Variants in FMN2 observed in about 807,000 individuals in gnomAD.
FMN2 encodes formin 2.
Under a neutral mutation model 142.3 loss-of-function variants are expected in FMN2, and 51 were observed. The observed-to-expected ratio is 0.36, with a 90% CI of 0.29 to 0.45. The LOEUF is 0.45. Ranked by LOEUF, FMN2 falls within the 20% of genes least tolerant of loss-of-function variation. FMN2 has a pLI of 1.00. For missense variants in FMN2, 1,936 were observed against 2,122.8 expected (o/e 0.91, Z 1.73); for synonymous variants, 882 against 869.8 (o/e 1.01, Z -0.25).
intron 14 of FMN2, among the ~76,000 whole-genome samples, chr1:240,372,629 G>A (rs2103071034): frequency 6.7e-6 from 1 of 150,216 alleles, no homozygotes; most frequent in South Asian, 2.1e-4. Context: ...CACTTTTGGA[G>A]GAAGAATTTC....
At chr1:240,437,990 A>T in intron 15 of FMN2, 71 bp from the exon 16 acceptor site, 1 of 1,529,736 alleles carries the variant, frequency 6.5e-7, no homozygotes, top group Non-Finnish European at 8.8e-7. Flanking sequence ...CAGCATTTGG[A>T]TAGAGAAAGA....
chr1:240,386,502 A>G (rs1166527747), intron 14 of FMN2, among the ~76,000 whole-genome samples: 1 of 152,202 alleles, frequency 6.6e-6, no homozygotes, highest in Non-Finnish European at 1.5e-5. Context: ...TGAAAGCTCA[A>G]GATCAGAAAG....
intron 6 of FMN2, among the ~76,000 whole-genome samples, chr1:240,255,040 C>T (rs1452660845): frequency 6.6e-6 from 1 of 152,164 alleles, no homozygotes; most frequent in African/African-American, 2.4e-5. Context: ...CGGGGTTCTC[C>T]CATGGCTACG....
At chr1:240,228,217 C>T (rs960316613) in intron 6 of FMN2, among the ~76,000 whole-genome samples, 3 of 144,768 alleles carry the variant, frequency 2.1e-5, no homozygotes, top group South Asian at 4.6e-4. Context: ...GCAGGAGAAT[C>T]GCTTGAACCC....
intron 6 of FMN2, among the ~76,000 whole-genome samples, chr1:240,218,946 A>G (rs1667007189): frequency 6.6e-6 from 1 of 152,154 alleles, no homozygotes. Context: ...AGAACAGAGT[A>G]TATAGGCTGG....
At chr1:240,373,059 C>T (rs909316098) in intron 14 of FMN2, among the ~76,000 whole-genome samples, 1 of 152,090 alleles carries the variant, frequency 6.6e-6, no homozygotes, top group African/African-American at 2.4e-5. Flanking sequence ...TGGTGCACAC[C>T]TGTAATCCCA....
intron 8 of FMN2, among the ~76,000 whole-genome samples, chr1:240,299,504 C>T (rs1670117933): frequency 6.6e-6 from 1 of 152,024 alleles, no homozygotes; most frequent in Non-Finnish European, 1.5e-5. Flanking sequence ...GAAGTGATAC[C>T]TTTACCATGG....
rs1471681253 is a variant in FMN2, at chr1:240,330,672, G to A, written c.4507G>A (p.Gly1503Arg). 6.2e-6 allele frequency: 10 copies of A among 1,613,996 alleles called. No individual in the cohort carries two copies. The highest frequency in any genetic ancestry group is 8.5e-6 in the Non-Finnish European group (10 of 1,179,932). The change falls in exon 11 of 18, where the codon GGA becomes AGA. Residue 1503 changes from glycine to arginine, a missense_variant. By Grantham distance (125) the Gly-to-Arg change is moderately radical (BLOSUM62 -2). Around this residue, in one of 8 missense-constraint regions of FMN2, gnomAD observed 322 missense variants for 401.6 expected, o/e 0.80. Coordinates refer to ENST00000319653, the MANE Select transcript of FMN2 (RefSeq NM_020066.5). ...LVLAFGNYMNGGNKTRGQADG... is the reference protein window; with the variant it reads ...LVLAFGNYMNRGNKTRGQADG... The stretch of plus-strand genomic sequence containing the variant: ...TCTTGCCTTTGGCAACTACATGAAT[G>A]GAGGAAATAAGACTCGAGGACAGGC...
chr1:240,208,708 C>T lies in FMN2; in HGVS notation c.3896C>T (p.Thr1299Ile). The change falls in exon 5 of 18, where the codon ACC (threonine) becomes ATC (isoleucine). Residue 1299 changes from threonine (T) to isoleucine (I), a missense_variant. Coordinates refer to ENST00000319653, the MANE Select transcript of FMN2 (RefSeq NM_020066.5). The stretch of plus-strand genomic sequence containing the variant: ...CGACCAATGAAGCCTCTTTACTGGA[C>T]CAGGATTCAACTACATAGTAAAAGG... Reference protein sequence around the residue: ...PCRPMKPLYWTRIQLHSKRDS... With the variant: ...PCRPMKPLYWIRIQLHSKRDS... 6.2e-7 allele frequency: 1 copy of T among 1,612,782 alleles called. No individual in the cohort carries two copies. Among genetic ancestry groups the T allele is most frequent in the East Asian group, 2.2e-5 (1 of 44,810 alleles).
intron 1 of FMN2, among the ~76,000 whole-genome samples, chr1:240,111,913 T>C (rs2103196039): frequency 6.6e-6 from 1 of 152,048 alleles, no homozygotes; most frequent in East Asian, 1.9e-4. Flanking sequence ...AGGTACAGAG[T>C]CCACGTGTTT....
At chr1:240,363,478 C>T (rs1170766050) in intron 14 of FMN2, among the ~76,000 whole-genome samples, 2 of 152,204 alleles carry the variant, frequency 1.3e-5, no homozygotes, top group East Asian at 1.9e-4. Context: ...CATGGGACTT[C>T]GTCCAAGCCC....
intron 16 of FMN2, among the ~76,000 whole-genome samples, chr1:240,470,181 G>A (rs1314553581): frequency 1.4e-5 from 2 of 140,588 alleles, no homozygotes; most frequent in Admixed American, 7.4e-5. Context: ...TTTAAGAGGA[G>A]ATCCACTGGA....
rs200347646 is a variant in FMN2, at chr1:240,093,353, C to T, written c.1244C>T (p.Thr415Ile). 2.5e-6 allele frequency: 4 copies of T among 1,613,032 alleles called. No homozygotes were observed. In the East Asian group the frequency reaches 8.9e-5, roughly 36 times the overall value. The change falls in exon 1 of 18, where the codon ACC becomes ATC. Residue 415 changes from threonine (T) to isoleucine (I), a missense_variant. Transcript: ENST00000319653. Reference protein sequence around the residue: ...QRCFKPYPLITPCYIKTTTRQ... With the variant: ...QRCFKPYPLIIPCYIKTTTRQ... ...TGTTTCAAGCCCTACCCGCTCATCA[C>T]CCCCTGCTACATCAAGACCACCACC... is the stretch of plus-strand genomic sequence containing the variant.
intron 1 of FMN2, among the ~76,000 whole-genome samples, chr1:240,102,796 A>C (rs1661458319): frequency 6.6e-6 from 1 of 152,252 alleles, no homozygotes; most frequent in African/African-American, 2.4e-5. Flanking sequence ...GCAGTGATTT[A>C]AGTGGAGAAA....
intron 2 of FMN2, among the ~76,000 whole-genome samples, chr1:240,159,905 GTATATATATATATA>G (rs34012500): frequency 7.5e-5 from 9 of 120,092 alleles, no homozygotes; most frequent in African/African-American, 2.6e-4. Context: ...ATATATCTGT[GTATATATATATATA>G]TATATATATA....
chr1:240,129,634 C>T (rs1180399177), intron 2 of FMN2, among the ~76,000 whole-genome samples: 2 of 151,604 alleles, frequency 1.3e-5, no homozygotes, highest in African/African-American at 2.4e-5. Flanking sequence ...TCCTGAGTAG[C>T]TGGGACTATA....
At chr1:240,400,086 G>T (rs1673921616) in intron 15 of FMN2, among the ~76,000 whole-genome samples, 1 of 152,138 alleles carries the variant, frequency 6.6e-6, no homozygotes, top group African/African-American at 2.4e-5. Context: ...TGATACAGCA[G>T]CAACAAGCAA....
intron 16 of FMN2, among the ~76,000 whole-genome samples, chr1:240,442,105 G>A (rs1346109865): frequency 3.9e-5 from 6 of 152,114 alleles, no homozygotes. Context: ...TGATCCATGT[G>A]TCTTTTCAAA....
chr1:240,166,494 T>G (rs1664487495), intron 2 of FMN2, among the ~76,000 whole-genome samples: 1 of 152,088 alleles, frequency 6.6e-6, no homozygotes, highest in Non-Finnish European at 1.5e-5. Context: ...CCTCTCAAAG[T>G]GCTGGCATTA....
Sources: gnomAD v4.1 joint callset for allele counts (sites outside exome capture counted in the v4.1 genomes callset) on GRCh38, gnomAD v4.1.1 for gene constraint, gnomAD v4.1.1 regional missense constraint, MANE v1.5 for transcripts, NCBI Gene and HGNC (gene_info 2026-07-23, HGNC 2026-07-21) for gene names.